TET1: variants seen among roughly 807,000 people sequenced by gnomAD.
The protein encoded by TET1 is tet methylcytosine dioxygenase 1.
TET1 carries 13 observed loss-of-function variants against 148.7 expected under a neutral mutation model. The ratio of observed to expected loss-of-function variants is 0.09; its 90% CI spans 0.06 to 0.14. TET1 has a LOEUF of 0.14. TET1 is among the 10% of genes least tolerant of loss of function. TET1 has a pLI of 1.00. For synonymous variants in TET1, 907 were observed against 937.2 expected, an observed-to-expected ratio of 0.97 and a Z score of 0.59; for missense variants, 2,182 against 2,553.8, an observed-to-expected ratio of 0.85 and a Z score of 3.14.
chr10:68,683,070 T>C (rs1222736640), intron 10 of TET1, 97 bp downstream of exon 10: 24 of 1,385,396 alleles, frequency 1.7e-5, no homozygotes, highest in Non-Finnish European at 2.3e-5. Context: ...CTGTGAAAAA[T>C]CTTAATTTAT....
chr10:68,682,401 C>A (rs1193719846), intron 9 of TET1, among the ~76,000 whole-genome samples: 1 of 152,132 alleles, frequency 6.6e-6, no homozygotes, highest in East Asian at 1.9e-4. Context: ...CATTAGCCAC[C>A]CTGCCCAGCA....
At chr10:68,594,971 A>G (rs1381187314) in intron 2 of TET1, among the ~76,000 whole-genome samples, 1 of 138,640 alleles carries the variant, frequency 7.2e-6, no homozygotes, top group Non-Finnish European at 1.6e-5. Context: ...AGTGCTCAAG[A>G]CACCATCTCA....
intron 3 of TET1, among the ~76,000 whole-genome samples, chr10:68,619,516 A>C (rs1437599733): frequency 6.6e-6 from 1 of 152,134 alleles, no homozygotes; most frequent in Non-Finnish European, 1.5e-5. Context: ...GCACCCAACC[A>C]CGCCCATTCA....
Position 68,613,959 on chromosome 10 carries a change from CT to C in TET1, c.1968+12926del, listed in dbSNP as rs575406016. On this transcript the variant is annotated intron_variant, in intron 3 of 11. Coordinates refer to ENST00000373644, the MANE Select transcript of TET1 (RefSeq NM_030625.3). Reference sequence around the variant, plus strand: ...GTCTCAAAAAAAAAAAAAAAAATTGCTGTTTAAAGTATTTTGGTGAACCTTA... The same window carrying C: ...GTCTCAAAAAAAAAAAAAAAAATTGCGTTTAAAGTATTTTGGTGAACCTTA... 2.5e-3 allele frequency among the ~76,000 whole-genome samples: 377 copies of C among 149,826 alleles called. 3 individuals carry two copies. Among genetic ancestry groups the C allele is most frequent in the African/African-American group, 9.1e-3 (368 of 40,448 alleles).
intron 4 of TET1, 37 bp downstream of exon 4, chr10:68,647,042 C>G (rs2054861207): frequency 1.3e-6 from 2 of 1,551,950 alleles, no homozygotes; most frequent in Non-Finnish European, 8.7e-7. Context: ...ATTTCACCTG[C>G]ACAAATTACC....
intron 8 of TET1, chr10:68,673,479 G>A (rs762261771): frequency 1.6e-5 from 6 of 374,086 alleles, no homozygotes; most frequent in East Asian, 8.2e-5. Context: ...TCCGGGACAC[G>A]AGGCCATGGT....
chr10:68,590,741 A>AT (rs1320105236), intron 2 of TET1, among the ~76,000 whole-genome samples: 1 of 152,146 alleles, frequency 6.6e-6, no homozygotes, highest in Non-Finnish European at 1.5e-5. Flanking sequence ...GCCTTGAGCC[A>AT]TGACTGCACT....
At chr10:68,591,278 A>G (rs1406430944) in intron 2 of TET1, among the ~76,000 whole-genome samples, 1 of 152,236 alleles carries the variant, frequency 6.6e-6, no homozygotes, top group Non-Finnish European at 1.5e-5. Context: ...GTTCAATGAT[A>G]AGTCTTTTTA....
intron 3 of TET1, among the ~76,000 whole-genome samples, chr10:68,615,144 G>A (rs1237962500): frequency 1.3e-5 from 2 of 151,904 alleles, no homozygotes; most frequent in African/African-American, 4.8e-5. Flanking sequence ...TGTTGGCCAG[G>A]CTGGTCTCGA....
At chr10:68,588,205 T>C (rs1226441000) in intron 2 of TET1, among the ~76,000 whole-genome samples, 1 of 152,180 alleles carries the variant, frequency 6.6e-6, no homozygotes, top group African/African-American at 2.4e-5. Context: ...TTTATCATGT[T>C]ACCCTGGACT....
chr10:68,598,952 GTT>G (rs2054019995), intron 2 of TET1, among the ~76,000 whole-genome samples: 1 of 151,926 alleles, frequency 6.6e-6, no homozygotes, highest in Non-Finnish European at 1.5e-5. Context: ...CTCCCAAAGT[GTT>G]AGGATTACAG....
At chr10:68,624,098 TC>T (rs1464915286) in intron 3 of TET1, among the ~76,000 whole-genome samples, 1 of 143,976 alleles carries the variant, frequency 6.9e-6, no homozygotes, top group Non-Finnish European at 1.6e-5. Context: ...TTTCTTTCTT[TC>T]TTTTCTTTTT....
Position 68,686,348 on chromosome 10 carries a change from C to T in TET1, c.5053-8C>T. On this transcript the variant is annotated splice_region_variant and splice_polypyrimidine_tract_variant and intron_variant, in intron 10 of 11. Coordinates refer to ENST00000373644, the MANE Select transcript of TET1 (RefSeq NM_030625.3). ...ATCTTTCCCATTTCATGTTTTTCTCCCTATCAGGTTTGTACCTTAACTCGA... is the reference window on the plus strand; with the variant it reads ...ATCTTTCCCATTTCATGTTTTTCTCTCTATCAGGTTTGTACCTTAACTCGA... 1.3e-6 allele frequency: 2 copies of T among 1,577,102 alleles called. No homozygotes were observed. The highest frequency in any genetic ancestry group is 1.7e-6 in the Non-Finnish European group (2 of 1,160,348).
chr10:68,659,201 G>T (rs1178591849), intron 6 of TET1, among the ~76,000 whole-genome samples: 1 of 152,180 alleles, frequency 6.6e-6, no homozygotes, highest in Non-Finnish European at 1.5e-5. Flanking sequence ...GGTAGAAGAA[G>T]TCAAACAGTG....
chr10:68,627,478 C>A (rs1169407944), intron 3 of TET1, among the ~76,000 whole-genome samples: 1 of 151,958 alleles, frequency 6.6e-6, no homozygotes, highest in Non-Finnish European at 1.5e-5. Flanking sequence ...CGCCTGTAAT[C>A]CCAGCTACTC....
chr10:68,573,245 A>C lies in TET1; in HGVS notation c.907A>C (p.Asn303His). 6.2e-7 allele frequency: 1 copy of C among 1,613,994 alleles called. No individual in the cohort carries two copies. The highest frequency in any genetic ancestry group is 8.5e-7 in the Non-Finnish European group (1 of 1,179,998). ...EHDCYPTSSL[N>H]KVIPDLNLRN... is the part of the protein sequence containing the mutation. ...TGATTGCTACCCCACCTCCAGTCTT[A>C]ATAAGGTTATACCTGACTTGAACCT... Residue 303 changes from asparagine (N) to histidine (H), a missense_variant, in exon 2 of 12, where the codon AAT becomes CAT. Around this residue, in one of 11 missense-constraint regions of TET1, gnomAD observed 665 missense variants for 672.4 expected, o/e 0.99. Coordinates refer to ENST00000373644, the MANE Select transcript of TET1 (RefSeq NM_030625.3).
chr10:68,681,255 G>A, intron 8 of TET1, 144 bp from the exon 9 acceptor site: 1 of 521,736 alleles, frequency 1.9e-6, no homozygotes, highest in Non-Finnish European at 3.4e-6. Flanking sequence ...AAAAGAAGCA[G>A]TGTAATTTTC....
At position 68,631,834 on chromosome 10, in the gene TET1, G is replaced by A. The variant is rs567137985; in HGVS notation, c.1969-12864G>A. 3.3e-5 allele frequency among the ~76,000 whole-genome samples: 5 copies of A among 152,156 alleles called. No individual in the cohort carries two copies. In the South Asian group the frequency reaches 1.0e-3, roughly 32 times the overall value. ...TTTAAGGGGTAACATTTGAGGAACT[G>A]ACTAGAGACCCAAGACCACAGGGGC... On this transcript the variant is annotated intron_variant, in intron 3 of 11. Coordinates refer to ENST00000373644, the MANE Select transcript of TET1 (RefSeq NM_030625.3).
intron 3 of TET1, among the ~76,000 whole-genome samples, chr10:68,604,381 A>T (rs963589686): frequency 6.6e-6 from 1 of 152,210 alleles, no homozygotes; most frequent in East Asian, 1.9e-4. Context: ...GGGAGGGTTA[A>T]GGAAAGAACT....
Sources: allele counts gnomAD v4.1 joint callset (sites outside exome capture counted in the v4.1 genomes callset), GRCh38; gene constraint gnomAD v4.1.1; regional missense constraint gnomAD v4.1.1; transcripts MANE v1.5; gene names NCBI Gene and HGNC (gene_info 2026-07-23, HGNC 2026-07-21).